ERP27: variants seen among roughly 807,000 people sequenced by gnomAD.
ERP27 encodes endoplasmic reticulum resident protein 27.
A neutral mutation model predicts 27.7 loss-of-function variants in ERP27; 23 were observed. The observed-to-expected ratio is 0.83, with a 90% CI of 0.60 to 1.18. The LOEUF (loss-of-function observed/expected upper bound fraction) is 1.18. Among genes scored for constraint, ERP27 ranks in the 50% most tolerant of loss-of-function variants. ERP27 has a pLI of 0.00. For missense variants in ERP27, 363 were observed against 327.9 expected (o/e 1.11, Z -0.83); for synonymous variants, 159 against 118.3 (o/e 1.34, Z -2.23).
At chr12:14,915,427 A>C (rs904059055) in intron 6 of ERP27, 62 bp downstream of exon 6, 1 of 1,558,616 alleles carries the variant, frequency 6.4e-7, no homozygotes. Context: ...ATTCTTATTC[A>C]ACTGGAAATA....
intron 5 of ERP27, among the ~76,000 whole-genome samples, chr12:14,916,022 G>T (rs1018332050): frequency 1.3e-5 from 2 of 151,974 alleles, no homozygotes; most frequent in African/African-American, 4.8e-5. Context: ...CTACTTGGGG[G>T]GTGGAGGGTG....
Position 14,934,925 on chromosome 12 carries a change from C to A in ERP27, c.264G>T (p.Gly88=), listed in dbSNP as rs1863752633. The A allele has an allele frequency of 1.2e-6, 2 of 1,614,136 alleles. 1 individual carries two copies. The highest frequency in any genetic ancestry group is 4.5e-5 in the East Asian group (2 of 44,882). Residue 88 remains glycine, a synonymous_variant, in exon 3 of 7, where the codon GGG becomes GGT. Transcript: ENST00000266397. The part of the protein sequence containing the change: ...MVQKFPGVSF[G]ISTDSEVLTH... ...TCAGAACCTCAGAATCAGTGCTGAT[C>A]CCAAATGACACGCCTGGGAATTTTT...
In ERP27 at chr12:14,938,040, G is replaced by A; in HGVS notation, c.107C>T (p.Ala36Val). 1.2e-6 allele frequency: 2 copies of A among 1,613,838 alleles called. 1 individual carries two copies. The highest frequency in any genetic ancestry group is 1.7e-6 in the Non-Finnish European group (2 of 1,179,724). The change falls in exon 2 of 7, where the codon GCT (alanine) becomes GTT (valine). Residue 36 changes from alanine (A) to valine (V), a missense_variant. By Grantham distance (64) the Ala-to-Val change is moderately conservative. Transcript: ENST00000266397. ...EVEKSSDGPG[A>V]AQEPTWLTDV... ...TGTGAGCCACGTGGGTTCCTGGGCA[G>A]CACCAGGACCATCTAGAGAGAGAAG...
chr12:14,920,198 T>C (rs140293135), intron 4 of ERP27, among the ~76,000 whole-genome samples: 1 of 152,164 alleles, frequency 6.6e-6, no homozygotes, highest in Non-Finnish European at 1.5e-5. Flanking sequence ...AGAAGTCCAT[T>C]TGGTGATCAG....
At chr12:14,935,875 T>C (rs1481293725) in intron 2 of ERP27, among the ~76,000 whole-genome samples, 1 of 152,134 alleles carries the variant, frequency 6.6e-6, no homozygotes, top group Non-Finnish European at 1.5e-5. Flanking sequence ...TTCACCACCA[T>C]ACTTGGCTAA....
At chr12:14,927,074 T>C (rs1168968173) in intron 3 of ERP27, among the ~76,000 whole-genome samples, 1 of 152,168 alleles carries the variant, frequency 6.6e-6, no homozygotes, top group African/African-American at 2.4e-5. Flanking sequence ...TTTCTTTCAG[T>C]ATTTGAAAGA....
At chr12:14,929,889 G>A (rs988751452) in intron 3 of ERP27, among the ~76,000 whole-genome samples, 1 of 151,944 alleles carries the variant, frequency 6.6e-6, no homozygotes, top group African/African-American at 2.4e-5. Context: ...TTAAACAAAG[G>A]TCCTCACGTC....
chr12:14,922,742 A>G (rs1863525048), intron 3 of ERP27, among the ~76,000 whole-genome samples: 1 of 152,248 alleles, frequency 6.6e-6, no homozygotes, highest in Admixed American at 6.5e-5. Flanking sequence ...CAATAGATCT[A>G]AAATCCACTT....
At chr12:14,916,067 G>T (rs1205835105) in intron 5 of ERP27, among the ~76,000 whole-genome samples, 1 of 152,068 alleles carries the variant, frequency 6.6e-6, no homozygotes. Flanking sequence ...ATCACAATTT[G>T]GTGCTGGGCT....
chr12:14,922,127 T>C (rs1177785711), intron 3 of ERP27, among the ~76,000 whole-genome samples: 2 of 152,220 alleles, frequency 1.3e-5, no homozygotes, highest in African/African-American at 4.8e-5. Context: ...TTTTAGTACA[T>C]ATATGCCTCT....
At position 14,915,094 on chromosome 12, in the gene ERP27, T is replaced by A. The variant is rs559078132; in HGVS notation, c.775-312A>T. Among the ~76,000 whole-genome samples, 12 of 152,326 alleles carry A rather than the reference T, an allele frequency of 7.9e-5. No individual in the cohort carries two copies. In the South Asian group the frequency reaches 2.3e-3, roughly 29 times the overall value. ...AGAGCCCAAATAATTTTTTTAACTT[T>A]AATTTTTTTGCTTTTATCTTTGTTT... On this transcript the variant is annotated intron_variant, in intron 6 of 6. Coordinates refer to ENST00000266397, the MANE Select transcript of ERP27 (RefSeq NM_152321.4).
At chr12:14,931,810 A>G (rs1346855264) in intron 3 of ERP27, among the ~76,000 whole-genome samples, 1 of 152,142 alleles carries the variant, frequency 6.6e-6, no homozygotes, top group Admixed American at 6.5e-5. Context: ...ATCAGGCCTT[A>G]TAAGACCGAC....
chr12:14,922,023 T>C (rs1863512190), intron 3 of ERP27, among the ~76,000 whole-genome samples: 1 of 152,228 alleles, frequency 6.6e-6, no homozygotes, highest in Admixed American at 6.5e-5. Flanking sequence ...TATTCAATTG[T>C]CTGAATAAAC....
At position 14,915,686 on chromosome 12, in the gene ERP27, T is replaced by A. The variant is rs1387752946; in HGVS notation, c.577A>T (p.Ile193Phe). 5.0e-6 allele frequency: 8 copies of A among 1,611,034 alleles called. No individual in the cohort carries two copies. In the Middle Eastern group the frequency reaches 6.6e-4, roughly 133 times the overall value. Residue 193 changes from isoleucine to phenylalanine, a missense_variant and splice_region_variant, in exon 6 of 7, where the codon ATT becomes TTT. Physicochemically the swap from Ile to Phe is conservative, Grantham distance 21. Coordinates refer to ENST00000266397, the MANE Select transcript of ERP27 (RefSeq NM_152321.4). Reference sequence around the variant, plus strand: ...CCACTGTCCACCAGAATAAAGAGAATCTGCAGTTGGGGAAGTTTGAAAGAA... The same window carrying A: ...CCACTGTCCACCAGAATAAAGAGAAACTGCAGTTGGGGAAGTTTGAAAGAA... ...QKAAKLFQGK[I>F]LFILVDSGMK...
At chr12:14,924,286 C>T (rs12305613) in intron 3 of ERP27, among the ~76,000 whole-genome samples, 6,917 of 152,178 alleles carry the variant, frequency 0.045, 450 homozygotes, top group African/African-American at 0.14. Context: ...CTCATGGACA[C>T]GTAAGTTGAT....
At chr12:14,937,847 C>T in intron 2 of ERP27, 105 bp downstream of exon 2, 4 of 857,450 alleles carry the variant, frequency 4.7e-6, no homozygotes, top group Non-Finnish European at 7.5e-6. Context: ...CTCCCTTTAC[C>T]CCCACTTCTA....
intron 3 of ERP27, among the ~76,000 whole-genome samples, 171 bp from the exon 4 acceptor site, chr12:14,921,219 G>A (rs1429228586): frequency 1.3e-5 from 2 of 152,182 alleles, no homozygotes; most frequent in African/African-American, 4.8e-5. Flanking sequence ...CTCCAAAAAA[G>A]TGAAGAGAAA....
chr12:14,925,450 C>T (rs1863585714), intron 3 of ERP27, among the ~76,000 whole-genome samples: 1 of 152,132 alleles, frequency 6.6e-6, no homozygotes, highest in African/African-American at 2.4e-5. Context: ...TTAGAAGGCT[C>T]TAAATGCACT....
intron 2 of ERP27, among the ~76,000 whole-genome samples, chr12:14,935,997 C>T (rs1863767523): frequency 6.6e-6 from 1 of 152,172 alleles, no homozygotes; most frequent in South Asian, 2.1e-4. Context: ...GCTAGAATTA[C>T]AGGTGTGAGT....
Sources: gnomAD v4.1 joint callset for allele counts (sites outside exome capture counted in the v4.1 genomes callset) on GRCh38, gnomAD v4.1.1 for gene constraint, MANE v1.5 for transcripts, NCBI Gene and HGNC (gene_info 2026-07-23, HGNC 2026-07-21) for gene names.